The following CDH18 variants were observed in gnomAD, a reference collection of about 807,000 sequenced individuals.
CDH18 encodes cadherin-18.
A neutral mutation model predicts 67.9 loss-of-function variants in CDH18; 31 were observed. That is an observed-to-expected ratio of 0.46 (90% CI 0.34 to 0.62). The LOEUF (loss-of-function observed/expected upper bound fraction) is 0.62. Among genes scored for constraint, CDH18 ranks in the 20% least tolerant of loss-of-function variants. The pLI is 0.01. For synonymous variants in CDH18, 362 were observed against 347.2 expected, an observed-to-expected ratio of 1.04 and a Z score of -0.48; for missense variants, 890 against 975.5, an observed-to-expected ratio of 0.91 and a Z score of 1.17.
chr5:19,725,810 A>T (rs1396428084), intron 4 of CDH18, among the ~76,000 whole-genome samples: 1 of 152,198 alleles, frequency 6.6e-6, no homozygotes, highest in African/African-American at 2.4e-5. Flanking sequence ...ATCTGATAAG[A>T]GGAGTGTTAA....
At chr5:20,510,324 T>C (rs1362081392) in intron 1 of CDH18, among the ~76,000 whole-genome samples, 1 of 152,186 alleles carries the variant, frequency 6.6e-6, no homozygotes, top group African/African-American at 2.4e-5. Context: ...TTATGAATAC[T>C]TTTTTCTAGT....
chr5:19,994,834 A>G (rs1450996495), intron 2 of CDH18, among the ~76,000 whole-genome samples: 2 of 21,904 alleles, frequency 9.1e-5, no homozygotes, highest in African/African-American at 3.4e-4. Flanking sequence ...AAGAGAATAT[A>G]TATATATATA....
In CDH18 at chr5:19,596,849, C is replaced by T. The variant is rs916998442; in HGVS notation, c.812-5605G>A. ...TGCATTAAGATTAATATTTTGTACA[C>T]TCTCCATTGAGTTGAGAATTATAAT... On this transcript the variant is annotated intron_variant, in intron 6 of 12. Transcript: ENST00000382275. Among the ~76,000 whole-genome samples, 25 of 152,196 alleles carry T rather than the reference C, an allele frequency of 1.6e-4. 1 individual carries two copies. The highest frequency in any genetic ancestry group is 8.8e-5 in the Non-Finnish European group (6 of 68,034).
intron 1 of CDH18, among the ~76,000 whole-genome samples, chr5:20,489,189 G>C (rs961857114): frequency 1.3e-5 from 2 of 151,942 alleles, no homozygotes; most frequent in African/African-American, 4.8e-5. Context: ...AACACAAGCT[G>C]TTCTCCTTGA....
At chr5:20,240,156 G>C (rs1742786331) in intron 2 of CDH18, among the ~76,000 whole-genome samples, 1 of 151,506 alleles carries the variant, frequency 6.6e-6, no homozygotes, top group African/African-American at 2.4e-5. Context: ...AGAACTTAAA[G>C]TATAATTAAA....
intron 11 of CDH18, among the ~76,000 whole-genome samples, chr5:19,489,739 T>G (rs1018708690): frequency 3.9e-5 from 6 of 152,224 alleles, no homozygotes; most frequent in Non-Finnish European, 7.3e-5. Flanking sequence ...ATCTGTATAT[T>G]CAAGACTGTA....
At chr5:20,235,663 A>C (rs565465459) in intron 2 of CDH18, among the ~76,000 whole-genome samples, 1 of 152,216 alleles carries the variant, frequency 6.6e-6, no homozygotes, top group African/African-American at 2.4e-5. Context: ...GAGAACGTTT[A>C]CACACTATTG....
Position 19,612,459 on chromosome 5 carries a change from A to C in CDH18, c.786T>G (p.Asn262Lys). 1 of 1,614,162 alleles carries C rather than the reference A, an allele frequency of 6.2e-7. No homozygotes were observed. Among genetic ancestry groups the C allele is most frequent in the Non-Finnish European group, 8.5e-7 (1 of 1,180,008 alleles). ...TTVNITLTDV[N>K]DNPPRFPQKH... The stretch of plus-strand genomic sequence containing the variant: ...TTTGAGGAAAGCGTGGTGGGTTGTC[A>C]TTGACATCGGTTAAGGTGATGTTGA... Residue 262 changes from asparagine to lysine, a missense_variant, in exon 6 of 13, where the codon AAT becomes AAG. Coordinates refer to ENST00000382275, the MANE Select transcript of CDH18 (RefSeq NM_004934.5).
At chr5:19,964,606 C>T (rs1406708676) in intron 2 of CDH18, among the ~76,000 whole-genome samples, 45 of 148,908 alleles carry the variant, frequency 3.0e-4, no homozygotes, top group Admixed American at 1.0e-3. Flanking sequence ...TGGGATTGTG[C>T]CACTGCACTC....
At chr5:19,877,573 T>C (rs1475635544) in intron 2 of CDH18, among the ~76,000 whole-genome samples, 2 of 152,158 alleles carry the variant, frequency 1.3e-5, no homozygotes, top group African/African-American at 2.4e-5. Flanking sequence ...TTTATTGACT[T>C]ATTCAAAGCT....
Position 20,182,318 on chromosome 5 carries a change from C to A in CDH18, c.-518+73126G>T, listed in dbSNP as rs561480912. On this transcript the variant is annotated intron_variant, in intron 2 of 14. Transcript: ENST00000507958. ...CCAAAATTTATGTTAAAACTTAATC[C>A]TCAGCCGCGTGCAATGGCTCATGCC... Among the ~76,000 whole-genome samples the A allele has an allele frequency of 5.9e-5, 9 of 151,844 alleles. No individual in the cohort carries two copies. In the East Asian group the frequency reaches 1.8e-3, roughly 30 times the overall value.
intron 1 of CDH18, among the ~76,000 whole-genome samples, chr5:20,334,733 C>CTA (rs1739550619): frequency 6.8e-6 from 1 of 147,000 alleles, no homozygotes. Context: ...GCTATGATCT[C>CTA]TCTCTCTCTC....
chr5:20,208,387 T>A (rs557833121), intron 2 of CDH18, among the ~76,000 whole-genome samples: 31 of 152,056 alleles, frequency 2.0e-4, no homozygotes, highest in Non-Finnish European at 4.3e-4. Flanking sequence ...CACAAACATG[T>A]GGGGATTATG....
chr5:19,855,103 G>A (rs1205000556), intron 2 of CDH18, among the ~76,000 whole-genome samples: 1 of 152,080 alleles, frequency 6.6e-6, no homozygotes, highest in Admixed American at 6.6e-5. Flanking sequence ...AGTAATAACC[G>A]ATATTGACTA....
upstream of CDH18, among the ~76,000 whole-genome samples, chr5:19,990,612 C>G (rs1023715277): frequency 1.3e-5 from 2 of 152,186 alleles, no homozygotes; most frequent in Admixed American, 1.3e-4. Context: ...AATAAGGGCT[C>G]TAGATTCTCC....
chr5:19,916,567 T>C (rs1288604167), intron 2 of CDH18, among the ~76,000 whole-genome samples: 1 of 152,184 alleles, frequency 6.6e-6, no homozygotes, highest in African/African-American at 2.4e-5. Context: ...TCTGTGTCTC[T>C]CAGCTACAGC....
At chr5:20,130,121 T>C (rs894773291) in intron 2 of CDH18, among the ~76,000 whole-genome samples, 7 of 150,168 alleles carry the variant, frequency 4.7e-5, no homozygotes, top group Non-Finnish European at 8.9e-5. Context: ...ATGCAAGTAA[T>C]ATATTTTAGG....
chr5:20,461,803 T>C (rs1440627118), intron 1 of CDH18, among the ~76,000 whole-genome samples: 1 of 152,156 alleles, frequency 6.6e-6, no homozygotes. Context: ...TAGAAAAGCC[T>C]TTTCTCCCTC....
intron 2 of CDH18, among the ~76,000 whole-genome samples, chr5:19,928,786 C>T (rs746303266): frequency 6.6e-5 from 10 of 152,042 alleles, no homozygotes; most frequent in Non-Finnish European, 1.2e-4. Context: ...TGAATAAATG[C>T]ATTGGCTGCA....
Sources: allele counts gnomAD v4.1 joint callset (sites outside exome capture counted in the v4.1 genomes callset), GRCh38; gene constraint gnomAD v4.1.1; transcripts MANE v1.5; gene names NCBI Gene and HGNC (gene_info 2026-07-23, HGNC 2026-07-21).